The following PPP4C variants were observed in gnomAD, a reference collection of about 807,000 sequenced individuals.
The protein encoded by PPP4C is protein phosphatase 4 catalytic subunit.
PPP4C carries 10 observed loss-of-function variants against 40.5 expected under a neutral mutation model. That is an observed-to-expected ratio of 0.25 (90% CI 0.15 to 0.42). The LOEUF (loss-of-function observed/expected upper bound fraction) is 0.42. Among genes scored for constraint, PPP4C ranks in the 10% least tolerant of loss-of-function variants. The pLI is 1.00. For missense variants in PPP4C, 191 were observed against 416.4 expected (o/e 0.46, Z 4.71); for synonymous variants, 187 against 163.6 (o/e 1.14, Z -1.09).
Position 30,082,541 on chromosome 16 carries a change from G to A in PPP4C, c.201+7G>A, listed in dbSNP as rs1427841323. The A allele has an allele frequency of 3.1e-6, 5 of 1,611,326 alleles. No homozygotes were observed. The highest frequency in any genetic ancestry group is 1.1e-5 in the South Asian group (1 of 91,032). The stretch of plus-strand genomic sequence containing the variant: ...CCTCAAAGAGCTGTTCAGAGTAAGA[G>A]TGTGGCCAACACTGTGAAATGTAAC... On this transcript the variant is annotated splice_region_variant and intron_variant, in intron 4 of 8. Transcript: ENST00000279387.
chr16:30,083,197 A>C lies in PPP4C; in HGVS notation c.304-197A>C. ...AGCCATTAGGTTCATAGTTGAGGGA[A>C]TGGGTCAGCTTTACATTCTCTGGAG... On this transcript the variant is annotated intron_variant, in intron 5 of 8. Coordinates refer to ENST00000279387, the MANE Select transcript of PPP4C (RefSeq NM_002720.3). This position sits in a 1 kb window ranked among gnomAD's most constrained non-coding sequence, Gnocchi z 6.3. 3 of 655,594 alleles carry C rather than the reference A, an allele frequency of 4.6e-6. No homozygotes were observed. Among genetic ancestry groups the C allele is most frequent in the South Asian group, 1.9e-5 (1 of 53,868 alleles). The allele number at this position is 655,594 out of a possible 1,614,324, so 40.6% of individuals were successfully genotyped here. A position where few individuals can be genotyped will look rare whatever the true frequency, so the allele number is the denominator to read the frequency against.
In PPP4C at chr16:30,083,379, G is replaced by T; in HGVS notation, c.304-15G>T. 6.2e-7 allele frequency: 1 copy of T among 1,603,090 alleles called. No individual in the cohort carries two copies. The highest frequency in any genetic ancestry group is 2.2e-5 in the East Asian group (1 of 44,600). ...ACCGTCTAGGCGCCAGCCCTGGCTT[G>T]GTGGCCACCCCCAGGTTCGCTATCC... On this transcript the variant is annotated splice_polypyrimidine_tract_variant and intron_variant, in intron 5 of 8. Transcript: ENST00000279387. The surrounding 1 kb of genome is among the most constrained non-coding windows in gnomAD (Gnocchi z 6.3).
chr16:30,078,330 C>T (rs1458523145), intron 2 of PPP4C, among the ~76,000 whole-genome samples: 1 of 152,156 alleles, frequency 6.6e-6, no homozygotes, highest in African/African-American at 2.4e-5. Flanking sequence ...CGCAGCTAGT[C>T]GGAGGGGAAG....
chr16:30,083,769 T>A lies in PPP4C; in HGVS notation c.592T>A (p.Ser198Thr). The A allele has an allele frequency of 1.2e-6, 2 of 1,614,046 alleles. No homozygotes were observed. The highest frequency in any genetic ancestry group is 1.7e-6 in the Non-Finnish European group (2 of 1,179,992). Residue 198 changes from serine (S) to threonine (T), a missense_variant, in exon 7 of 9, where the codon TCT becomes ACT. Ser to Thr is a moderately conservative substitution (Grantham distance 58, BLOSUM62 1). Transcript: ENST00000279387. This position sits in a 1 kb window ranked among gnomAD's most constrained non-coding sequence, Gnocchi z 6.3. ...HDGPMCDLLW[S>T]DPEDTTGWGV... ...TGGGCCCATGTGTGACCTCCTCTGG[T>A]CTGACCCAGAAGGTGAGGGCATGTG...
chr16:30,083,747 G>C lies in PPP4C; in HGVS notation c.570G>C (p.Gly190=). Residue 190 remains glycine (G), a synonymous_variant, in exon 7 of 9, where the codon GGG becomes GGC. Transcript: ENST00000279387. The surrounding 1 kb of genome is among the most constrained non-coding windows in gnomAD (Gnocchi z 6.3). ...IDRKQEVPHD[G]PMCDLLWSDP... is the part of the protein sequence containing the mutation. ...GAAAGCAAGAGGTGCCTCATGATGG[G>C]CCCATGTGTGACCTCCTCTGGTCTG... The C allele has an allele frequency of 6.2e-7, 1 of 1,614,146 alleles. No homozygotes were observed.
intron 4 of PPP4C, 22 bp downstream of exon 4, chr16:30,082,556 T>G (rs778054715): frequency 1.9e-6 from 3 of 1,607,174 alleles, no homozygotes; most frequent in South Asian, 2.2e-5. Context: ...GCCAACACTG[T>G]GAAATGTAAC....
At position 30,083,901 on chromosome 16, in the gene PPP4C, G is replaced by A. The variant is rs1379482555; in HGVS notation, c.604+120G>A. 7.0e-7 allele frequency: 1 copy of A among 1,435,250 alleles called. No individual in the cohort carries two copies. The highest frequency in any genetic ancestry group is 1.4e-5 in the African/African-American group (1 of 71,662). The allele number at this position is 1,435,250 out of a possible 1,614,324, so 88.9% of individuals were successfully genotyped here. A position where few individuals can be genotyped will look rare whatever the true frequency, so the allele number is the denominator to read the frequency against. On this transcript the variant is annotated intron_variant, in intron 7 of 8. Coordinates refer to ENST00000279387, the MANE Select transcript of PPP4C (RefSeq NM_002720.3). This position sits in a 1 kb window ranked among gnomAD's most constrained non-coding sequence, Gnocchi z 6.3. The stretch of plus-strand genomic sequence containing the variant: ...CTGCCAAATGGCTGGAACCCTGGAG[G>A]AGGAGCAGGGAGGCCTGCATGGCAG...
chr16:30,082,778 C>T lies in PPP4C; in HGVS notation c.234C>T (p.Leu78=), dbSNP rs2072536011. ...VGGDVPETNY[L]FMGDFVDRGF... ...GCGACGTCCCTGAGACCAACTACCT[C>T]TTCATGGGGGACTTTGTGGACCGTG... The change falls in exon 5 of 9, where the codon CTC becomes CTT. Residue 78 remains leucine, a synonymous_variant. Coordinates refer to ENST00000279387, the MANE Select transcript of PPP4C (RefSeq NM_002720.3). The T allele has an allele frequency of 1.2e-6, 2 of 1,614,132 alleles. No homozygotes were observed. The highest frequency in any genetic ancestry group is 1.7e-6 in the Non-Finnish European group (2 of 1,180,024).
At chr16:30,076,741 A>G (rs2072408860) in intron 2 of PPP4C, among the ~76,000 whole-genome samples, 1 of 152,330 alleles carries the variant, frequency 6.6e-6, no homozygotes, top group African/African-American at 2.4e-5. Context: ...AAACAAGTCC[A>G]TCTGTCGGGG....
Position 30,083,562 on chromosome 16 carries a change from G to A in PPP4C, c.472G>A (p.Gly158Ser), listed in dbSNP as rs1337368334. The change falls in exon 6 of 9, where the codon GGC (glycine) becomes AGC (serine). Residue 158 changes from glycine to serine, a missense_variant. Around this residue, in one of 3 missense-constraint regions of PPP4C, gnomAD observed 171 missense variants for 352.4 expected, o/e 0.49. Coordinates refer to ENST00000279387, the MANE Select transcript of PPP4C (RefSeq NM_002720.3). This position sits in a 1 kb window ranked among gnomAD's most constrained non-coding sequence, Gnocchi z 6.3. Reference protein sequence around the residue: ...DYLSLSAIIDGKIFCVHGGLS... With the variant: ...DYLSLSAIIDSKIFCVHGGLS... ...CCTCAGCCTGTCAGCCATCATCGATGGCAAGGTAAGCCAGCCCAGGGCTCC... is the reference window on the plus strand; with the variant it reads ...CCTCAGCCTGTCAGCCATCATCGATAGCAAGGTAAGCCAGCCCAGGGCTCC... The A allele has an allele frequency of 6.2e-7, 1 of 1,614,110 alleles. No homozygotes were observed. Among genetic ancestry groups the A allele is most frequent in the Non-Finnish European group, 8.5e-7 (1 of 1,179,984 alleles).
chr16:30,076,262 G>T (rs2072390826), intron 1 of PPP4C, 53 bp from the exon 2 acceptor site: 3 of 1,069,148 alleles, frequency 2.8e-6, no homozygotes, highest in Admixed American at 2.3e-5. Flanking sequence ...CGAGTTGTCC[G>T]CTCCGAGCCC....
chr16:30,076,747 C>T (rs1052095132), intron 2 of PPP4C, among the ~76,000 whole-genome samples: 2 of 152,090 alleles, frequency 1.3e-5, no homozygotes, highest in Non-Finnish European at 2.9e-5. Context: ...GTCCATCTGT[C>T]GGGGGACGGA....
At chr16:30,078,533 G>T (rs995082875) in intron 2 of PPP4C, among the ~76,000 whole-genome samples, 9 of 152,200 alleles carry the variant, frequency 5.9e-5, no homozygotes, top group Non-Finnish European at 1.3e-4. Context: ...TGTTGTCCCA[G>T]GCTCAGTCTG....
In PPP4C at chr16:30,085,066, C is replaced by T. The variant is rs768422034; in HGVS notation, c.*4C>T. The T allele has an allele frequency of 2.4e-5, 39 of 1,613,196 alleles. No individual in the cohort carries two copies. The highest frequency in any genetic ancestry group is 4.0e-5 in the African/African-American group (3 of 74,916). On this transcript the variant is annotated 3_prime_UTR_variant, in exon 9 of 9. Transcript: ENST00000279387. ...CGTGGCCGACTACTTCCTGTGACCC[C>T]GCCCGGCCCCTGCCCCCTCCAACCC...
chr16:30,083,318 C>T lies in PPP4C; in HGVS notation c.304-76C>T, dbSNP rs1219263390. 17 of 1,494,518 alleles carry T rather than the reference C, an allele frequency of 1.1e-5. No homozygotes were observed. Among genetic ancestry groups the T allele is most frequent in the South Asian group, 7.4e-5 (6 of 81,380 alleles). The allele number at this position is 1,494,518 out of a possible 1,614,324, so 92.6% of individuals were successfully genotyped here. ...AGTGGTTGTGAGGATGGCAGGCTGG[C>T]GGGCACGAGGAGGTCAGAGAGGGAT... On this transcript the variant is annotated intron_variant, in intron 5 of 8. Transcript: ENST00000279387. This position sits in a 1 kb window ranked among gnomAD's most constrained non-coding sequence, Gnocchi z 6.3.
chr16:30,076,475 G>C lies in PPP4C; in HGVS notation c.98G>C (p.Arg33Thr). 6.2e-7 allele frequency: 1 copy of C among 1,608,576 alleles called. No individual in the cohort carries two copies. The highest frequency in any genetic ancestry group is 8.5e-7 in the Non-Finnish European group (1 of 1,177,562). Residue 33 changes from arginine (R) to threonine (T), a missense_variant and splice_region_variant, in exon 2 of 9, where the codon AGA (arginine) becomes ACA (threonine). Physicochemically the swap from Arg to Thr is moderately conservative, Grantham distance 71. Coordinates refer to ENST00000279387, the MANE Select transcript of PPP4C (RefSeq NM_002720.3). ...GTCAAGGCCCTGTGCGCTAAGGCCA[G>C]GTGAGCTCGTTGGCCCTGGGGAAGG... ...SEVKALCAKA[R>T]EILVEESNVQ...
intron 2 of PPP4C, among the ~76,000 whole-genome samples, chr16:30,078,808 C>T (rs1295934751): frequency 6.6e-6 from 1 of 152,242 alleles, no homozygotes; most frequent in Non-Finnish European, 1.5e-5. Context: ...TGACCCTCGT[C>T]AAGTCACTTT....
rs1291001488 is a variant in PPP4C, at chr16:30,085,178, C to T, written c.*116C>T. The stretch of plus-strand genomic sequence containing the variant: ...GGGCTGTCCTGGCTCTGCTGTCCCC[C>T]AAGAGGGTGCTTCGAGGGTGAGGAC... On this transcript the variant is annotated 3_prime_UTR_variant, in exon 9 of 9. Coordinates refer to ENST00000279387, the MANE Select transcript of PPP4C (RefSeq NM_002720.3). The T allele has an allele frequency of 8.8e-6, 12 of 1,357,708 alleles. No homozygotes were observed. The Admixed American group carries it at 2.2e-4, about 25-fold the overall frequency. 84.1% of individuals were successfully genotyped at this position (1,357,708 alleles called of 1,614,324 possible). A position where few individuals can be genotyped will look rare whatever the true frequency, so the allele number is the denominator to read the frequency against.
chr16:30,076,096 TA>T lies in PPP4C; in HGVS notation c.-64+4del. On this transcript the variant is annotated splice_donor_region_variant and intron_variant, in intron 1 of 8. Coordinates refer to ENST00000279387, the MANE Select transcript of PPP4C (RefSeq NM_002720.3). ...GCCGGAACCGGAGTCGCAGCGGCGG[TA>T]ATAGTGCGAGACTCCTCTAAGTCAC... is the stretch of plus-strand genomic sequence containing the variant. 2.2e-6 allele frequency: 1 copy of T among 454,748 alleles called. No homozygotes were observed. The highest frequency in any genetic ancestry group is 3.9e-6 in the Non-Finnish European group (1 of 254,830). 28.2% of individuals were successfully genotyped at this position (454,748 alleles called of 1,614,324 possible).
Sources: allele counts gnomAD v4.1 joint callset (sites outside exome capture counted in the v4.1 genomes callset), GRCh38; gene constraint gnomAD v4.1.1; regional missense constraint gnomAD v4.1.1; non-coding constraint Gnocchi (gnomAD v3.1); transcripts MANE v1.5; gene names NCBI Gene and HGNC (gene_info 2026-07-23, HGNC 2026-07-21).